PTPRD: variants seen among roughly 807,000 people sequenced by gnomAD.
PTPRD encodes the protein protein tyrosine phosphatase receptor type D.
A neutral mutation model predicts 214.5 loss-of-function variants in PTPRD; 34 were observed. That is an observed-to-expected ratio of 0.16 (90% CI 0.12 to 0.21). The LOEUF (loss-of-function observed/expected upper bound fraction) is 0.21. Among genes scored for constraint, PTPRD ranks in the 10% least tolerant of loss-of-function variants. The pLI is 1.00. For synonymous variants in PTPRD, 1,128 were observed against 845.7 expected, an observed-to-expected ratio of 1.33 and a Z score of -5.79; for missense variants, 2,545 against 2,398.7, an observed-to-expected ratio of 1.06 and a Z score of -1.27.
chr9:10,245,355 T>C (rs750787714), intron 3 of PTPRD, among the ~76,000 whole-genome samples: 29 of 152,156 alleles, frequency 1.9e-4, no homozygotes, highest in Non-Finnish European at 3.8e-4. Context: ...AATCAAAGTA[T>C]TGAATAATTA....
chr9:10,602,427 A>G (rs532140339), intron 2 of PTPRD, among the ~76,000 whole-genome samples: 1 of 151,942 alleles, frequency 6.6e-6, no homozygotes, highest in Non-Finnish European at 1.5e-5. Context: ...CTTTTTAAAA[A>G]AATTTGATGA....
chr9:9,746,446 A>G (rs1379888045), intron 6 of PTPRD, among the ~76,000 whole-genome samples: 1 of 152,174 alleles, frequency 6.6e-6, no homozygotes, highest in East Asian at 1.9e-4. Flanking sequence ...CACAATGAGG[A>G]ACCACCTCTT....
chr9:9,760,643 CACACACACACAT>C lies in PTPRD; in HGVS notation c.-326+6155_-326+6166del, dbSNP rs756098027. 9.0e-3 allele frequency among the ~76,000 whole-genome samples: 1,166 copies of C among 129,316 alleles called. 5 individuals are homozygous for C. Among genetic ancestry groups the C allele is most frequent in the East Asian group, 0.029 (135 of 4,698 alleles). The allele number at this position is 129,316 out of a possible 152,430, so 84.8% of individuals were successfully genotyped here. The stretch of plus-strand genomic sequence containing the variant: ...ACACACACACACACACACACACACA[CACACACACACAT>C]ATATATATATATTCCAGCACTGTTC... On this transcript the variant is annotated intron_variant, in intron 6 of 45. Coordinates refer to ENST00000381196, the MANE Select transcript of PTPRD (RefSeq NM_002839.4).
In PTPRD at chr9:9,775,941, C is replaced by G. The variant is rs190253585; in HGVS notation, c.-367-9090G>C. ...ACTGCCTCCAGCCTGGGCAACAGAG[C>G]AAGACTCTGTCTCAAAAAAAAAAAA... On this transcript the variant is annotated intron_variant, in intron 5 of 45. Transcript: ENST00000381196. 2.9e-3 allele frequency among the ~76,000 whole-genome samples: 299 copies of G among 104,724 alleles called. 1 individual carries two copies. Among genetic ancestry groups the G allele is most frequent in the African/African-American group, 0.011 (286 of 25,750 alleles). 68.7% of individuals were successfully genotyped at this position (104,724 alleles called of 152,430 possible).
intron 7 of PTPRD, among the ~76,000 whole-genome samples, chr9:9,643,616 A>G (rs774466586): frequency 1.1e-4 from 17 of 152,154 alleles, no homozygotes; most frequent in Non-Finnish European, 2.2e-4. Context: ...TTTTAAACAT[A>G]TTATAGAAAA....
chr9:9,864,371 G>A (rs547739999), intron 5 of PTPRD, among the ~76,000 whole-genome samples: 47 of 152,010 alleles, frequency 3.1e-4, no homozygotes, highest in African/African-American at 1.1e-3. Context: ...ATATAGCTAT[G>A]AAGTAAGAAG....
intron 5 of PTPRD, among the ~76,000 whole-genome samples, chr9:9,881,533 T>C (rs2068686984): frequency 6.6e-6 from 1 of 152,124 alleles, no homozygotes; most frequent in Non-Finnish European, 1.5e-5. Flanking sequence ...TACAAGGCTG[T>C]TGTGAAAATA....
intron 11 of PTPRD, among the ~76,000 whole-genome samples, chr9:8,766,983 T>C (rs1027980418): frequency 1.1e-4 from 17 of 152,192 alleles, no homozygotes; most frequent in African/African-American, 4.1e-4. Context: ...CTGTATATGT[T>C]TCCTTTCAAC....
chr9:8,861,234 A>G (rs1207350548), intron 11 of PTPRD: 1 of 152,174 alleles, frequency 6.6e-6, no homozygotes, highest in Non-Finnish European at 1.5e-5. Flanking sequence ...TCACGATGAC[A>G]ATAATAGTAA....
rs534541651 is a variant in PTPRD at position 10,148,341 on chromosome 9, T to C, written c.-544-114551A>G. 2.0e-5 allele frequency among the ~76,000 whole-genome samples: 3 copies of C among 152,326 alleles called. No homozygotes were observed. The South Asian group carries it at 6.2e-4, about 32-fold the overall frequency. Reference sequence around the variant, plus strand: ...TTTATTCAACTGATAATTTTTAAAGTACATAAGTGTATCTGGCATGATGCT... The same window carrying C: ...TTTATTCAACTGATAATTTTTAAAGCACATAAGTGTATCTGGCATGATGCT... On this transcript the variant is annotated intron_variant, in intron 3 of 45. Transcript: ENST00000381196.
At chr9:10,284,606 T>A (rs1173166128) in intron 3 of PTPRD, among the ~76,000 whole-genome samples, 1 of 152,206 alleles carries the variant, frequency 6.6e-6, no homozygotes, top group East Asian at 1.9e-4. Context: ...GTCAGAAATA[T>A]AGGCATGGCT....
chr9:10,306,128 TG>T (rs2096060192), intron 3 of PTPRD, among the ~76,000 whole-genome samples: 1 of 151,938 alleles, frequency 6.6e-6, no homozygotes, highest in Non-Finnish European at 1.5e-5. Context: ...TGCAGGGACA[TG>T]GATGAAGCTG....
intron 2 of PTPRD, among the ~76,000 whole-genome samples, chr9:10,607,030 G>A (rs2079579749): frequency 6.6e-6 from 1 of 151,810 alleles, no homozygotes; most frequent in Admixed American, 6.6e-5. Flanking sequence ...TATATGCAAT[G>A]ATTCATACAA....
Position 10,181,942 on chromosome 9 carries a change from T to TAAAAAA in PTPRD, c.-544-148158_-544-148153dup, listed in dbSNP as rs3075573. The stretch of plus-strand genomic sequence containing the variant: ...AAATATGACTATGTATCATAAATAC[T>TAAAAAA]AAAAAAAAAAAAAAAAAAAAAAAAA... On this transcript the variant is annotated intron_variant, in intron 3 of 45. Coordinates refer to ENST00000381196, the MANE Select transcript of PTPRD (RefSeq NM_002839.4). 1.2e-3 allele frequency among the ~76,000 whole-genome samples: 48 copies of TAAAAAA among 38,514 alleles called. 1 individual carries two copies. The highest frequency in any genetic ancestry group is 2.1e-3 in the Non-Finnish European group (38 of 17,974). 25.3% of individuals were successfully genotyped at this position (38,514 alleles called of 152,430 possible).
intron 10 of PTPRD, among the ~76,000 whole-genome samples, chr9:9,093,474 T>C (rs573257973): frequency 2.0e-4 from 30 of 152,066 alleles, no homozygotes; most frequent in Non-Finnish European, 3.4e-4. Flanking sequence ...ATTAAAATTA[T>C]GTAAATAATG....
At chr9:10,354,198 A>G (rs2097230245) in intron 2 of PTPRD, among the ~76,000 whole-genome samples, 1 of 152,136 alleles carries the variant, frequency 6.6e-6, no homozygotes, top group African/African-American at 2.4e-5. Flanking sequence ...GCATATTTTA[A>G]TACAACTGGG....
At position 8,521,287 on chromosome 9, in the gene PTPRD, G is replaced by A. The variant is rs1017760674; in HGVS notation, c.951C>T (p.Ile317=). ...ATCCATTGAGCATACCTTTGACAGT[G>A]ATCTGTGCTATTGCTTCAATGACAC... ...TLGVIEAIAQ[I]TVKALPKPPG... Residue 317 remains isoleucine, a synonymous_variant, in exon 20 of 46, where the codon ATC becomes ATT. Coordinates refer to ENST00000381196, the MANE Select transcript of PTPRD (RefSeq NM_002839.4). The A allele has an allele frequency of 7.4e-6, 12 of 1,612,752 alleles. No homozygotes were observed. Among genetic ancestry groups the A allele is most frequent in the Non-Finnish European group, 1.0e-5 (12 of 1,179,200 alleles).
intron 11 of PTPRD, among the ~76,000 whole-genome samples, chr9:8,801,159 C>G (rs530798719): frequency 6.3e-4 from 96 of 152,268 alleles, no homozygotes; most frequent in South Asian, 1.7e-3. Flanking sequence ...AGTTCAGGAA[C>G]TAACCTTCCA....
At chr9:10,443,471 T>C (rs1234210515) in intron 2 of PTPRD, among the ~76,000 whole-genome samples, 2 of 151,638 alleles carry the variant, frequency 1.3e-5, no homozygotes, top group Non-Finnish European at 3.0e-5. Context: ...TTATCTCTTA[T>C]ATGAAGTTAC....
Sources: allele counts gnomAD v4.1 joint callset (sites outside exome capture counted in the v4.1 genomes callset), GRCh38; gene constraint gnomAD v4.1.1; transcripts MANE v1.5; gene names NCBI Gene and HGNC (gene_info 2026-07-23, HGNC 2026-07-21).